The following WNK1 variants were observed in gnomAD, a reference collection of about 807,000 sequenced individuals.
The protein encoded by WNK1 is serine/threonine-protein kinase WNK1.
A neutral mutation model predicts 222.8 loss-of-function variants in WNK1; 38 were observed. The ratio of observed to expected loss-of-function variants is 0.17; its 90% CI spans 0.13 to 0.22. The LOEUF (loss-of-function observed/expected upper bound fraction) is 0.22. WNK1 is among the 10% of genes least tolerant of loss of function. The pLI is 1.00. For synonymous variants in WNK1, 1,090 were observed against 1,092.9 expected (o/e 1.00, Z 0.05); for missense variants, 2,348 against 2,918.4 (o/e 0.80, Z 4.50).
At chr12:830,263 A>G in intron 4 of WNK1, 103 bp downstream of exon 4, 1 of 1,322,092 alleles carries the variant, frequency 7.6e-7, no homozygotes, top group Non-Finnish European at 1.1e-6. Flanking sequence ...AGTGGAAGGC[A>G]TACTGAGTGA....
At chr12:866,353 C>G (rs1038749350) in intron 8 of WNK1, among the ~76,000 whole-genome samples, 16 of 152,108 alleles carry the variant, frequency 1.1e-4, no homozygotes, top group African/African-American at 3.9e-4. Context: ...TGAATTCTTA[C>G]TATTATTTAC....
chr12:889,951 C>CTTTTT (rs755068368), intron 21 of WNK1, among the ~76,000 whole-genome samples: 6 of 130,450 alleles, frequency 4.6e-5, no homozygotes, highest in African/African-American at 1.4e-4. Flanking sequence ...TAAAATGTAC[C>CTTTTT]TTTTTTTTTT....
intron 3 of WNK1, among the ~76,000 whole-genome samples, chr12:829,248 A>T (rs1948610387): frequency 1.3e-5 from 2 of 152,180 alleles, no homozygotes; most frequent in South Asian, 4.1e-4. Flanking sequence ...CACTGTGCTC[A>T]TAAATCAGTC....
At chr12:759,333 T>C (rs1940674003) in intron 1 of WNK1, among the ~76,000 whole-genome samples, 1 of 146,984 alleles carries the variant, frequency 6.8e-6, no homozygotes, top group African/African-American at 2.4e-5. Flanking sequence ...TTTGAGTTTT[T>C]TGTTTTTTTG....
At chr12:874,946 CTT>C (rs1421341632) in intron 9 of WNK1, among the ~76,000 whole-genome samples, 1 of 152,032 alleles carries the variant, frequency 6.6e-6, no homozygotes, top group Non-Finnish European at 1.5e-5. Context: ...ATCAGGAAGA[CTT>C]TAGGAAAAAG....
intron 19 of WNK1, 41 bp downstream of exon 19, chr12:886,125 G>GTT (rs11450919): frequency 1.3e-3 from 1,911 of 1,445,448 alleles, no homozygotes; most frequent in South Asian, 3.5e-3. Flanking sequence ...AATATGATCA[G>GTT]TTTTTTTTCT....
Position 885,964 on chromosome 12 carries a change from A to G in WNK1, c.5160A>G (p.Thr1720=). Residue 1720 remains threonine (T), a synonymous_variant, in exon 19 of 28, where the codon ACA becomes ACG. Transcript: ENST00000315939. ...CACCAACCAATTTACCACTAGGAAC[A>G]GTTGCTTTGCCAGTTACACCAGTGG... The part of the protein sequence containing the change: ...CLPPTNLPLG[T]VALPVTPVVT... 6.3e-7 allele frequency: 1 copy of G among 1,592,498 alleles called. No individual in the cohort carries two copies. The highest frequency in any genetic ancestry group is 8.5e-7 in the Non-Finnish European group (1 of 1,170,034).
At chr12:817,409 G>A (rs1333588149) in intron 2 of WNK1, among the ~76,000 whole-genome samples, 5 of 152,104 alleles carry the variant, frequency 3.3e-5, no homozygotes, top group African/African-American at 9.7e-5. Context: ...GATTGAGAAT[G>A]TATACAGATT....
rs1323400413 is a variant in WNK1, at chr12:908,595, A to C, written c.6952A>C (p.Lys2318Gln). ...ASATSLGHFTKSMCPPQQYGF... is the reference protein window; with the variant it reads ...ASATSLGHFTQSMCPPQQYGF... ...AGCTACCTCTCTAGGTCACTTCACC[A>C]AGTCTATGTGCCCCCCACAGCAGTA... Residue 2318 changes from lysine (K) to glutamine (Q), a missense_variant, in exon 28 of 28, where the codon AAG becomes CAG. Physicochemically the swap from Lys to Gln is moderately conservative, Grantham distance 53. Coordinates refer to ENST00000315939, the MANE Select transcript of WNK1 (RefSeq NM_018979.4). 2.5e-6 allele frequency: 4 copies of C among 1,614,030 alleles called. No homozygotes were observed. Among genetic ancestry groups the C allele is most frequent in the Non-Finnish European group, 2.5e-6 (3 of 1,180,000 alleles).
intron 20 of WNK1, among the ~76,000 whole-genome samples, chr12:887,932 C>A (rs1953827158): frequency 2.6e-3 from 1 of 382 alleles, no homozygotes; most frequent in Admixed American, 0.071. Context: ...TTGAGATTCC[C>A]ATCTCACACA....
At chr12:906,907 TAC>T (rs1248934089) in intron 26 of WNK1, 1 of 253,280 alleles carries the variant, frequency 3.9e-6, no homozygotes, top group East Asian at 1.8e-4. Flanking sequence ...TGGAAGTGCA[TAC>T]GTCTAGTCCC....
At position 911,028 on chromosome 12, in the gene WNK1, T is replaced by C. The variant is rs11571500; in HGVS notation, c.*2236T>C. The C allele has an allele frequency of 4.0e-4, 130 of 322,820 alleles. No individual in the cohort carries two copies. Among genetic ancestry groups the C allele is most frequent in the East Asian group, 3.3e-3 (69 of 20,796 alleles). The allele number at this position is 322,820 out of a possible 1,614,324, so 20.0% of individuals were successfully genotyped here. Reference sequence around the variant, plus strand: ...TGGAGCCTCATGCAGCACATTATCATTTGTTATTTGGGTTTAATAATAATT... The same window carrying C: ...TGGAGCCTCATGCAGCACATTATCACTTGTTATTTGGGTTTAATAATAATT... On this transcript the variant is annotated 3_prime_UTR_variant, in exon 28 of 28. Coordinates refer to ENST00000315939, the MANE Select transcript of WNK1 (RefSeq NM_018979.4).
In WNK1 at chr12:862,150, G is replaced by GA; in HGVS notation, c.2020dup (p.Thr674AsnfsTer9). 1 of 1,614,106 alleles carries GA rather than the reference G, an allele frequency of 6.2e-7. No homozygotes were observed. The highest frequency in any genetic ancestry group is 8.5e-7 in the Non-Finnish European group (1 of 1,180,004). On this transcript the variant is annotated frameshift_variant, in exon 8 of 28. Transcript: ENST00000315939. LOFTEE classifies it high-confidence loss of function. ...CAGAATCTCGAGTGAGCAGCCAACA[G>GA]ACAGTTTCATATGGTTCCCAACATG...
intron 1 of WNK1, among the ~76,000 whole-genome samples, chr12:794,508 T>G (rs1441717751): frequency 3.9e-5 from 6 of 152,082 alleles, no homozygotes; most frequent in Non-Finnish European, 8.8e-5. Flanking sequence ...TTGAATTTTT[T>G]TTTTTTTTTA....
intron 1 of WNK1, among the ~76,000 whole-genome samples, chr12:804,713 T>C (rs1198128834): frequency 6.6e-6 from 1 of 151,952 alleles, no homozygotes; most frequent in Non-Finnish European, 1.5e-5. Context: ...GAGTCCCCAT[T>C]GTCCCCTTTC....
Position 882,983 on chromosome 12 carries a change from A to G in WNK1, c.3413A>G (p.Glu1138Gly), listed in dbSNP as rs527865856. 8 of 1,613,808 alleles carry G rather than the reference A, an allele frequency of 5.0e-6. 1 individual carries two copies. The South Asian group carries it at 5.5e-5, about 11-fold the overall frequency. ...KGDRVVECQLETHNRKMVTFK... is the reference protein window; with the variant it reads ...KGDRVVECQLGTHNRKMVTFK... ...GACCGAGTAGTAGAATGTCAATTAGAGACTCATAATAGGAAAATGGTTACA... is the reference window on the plus strand; with the variant it reads ...GACCGAGTAGTAGAATGTCAATTAGGGACTCATAATAGGAAAATGGTTACA... The change falls in exon 15 of 28, where the codon GAG (glutamate) becomes GGG (glycine). Residue 1138 changes from glutamate to glycine, a missense_variant. By Grantham distance (98) the Glu-to-Gly change is moderately conservative. Coordinates refer to ENST00000315939, the MANE Select transcript of WNK1 (RefSeq NM_018979.4).
intron 11 of WNK1, among the ~76,000 whole-genome samples, chr12:880,447 A>G (rs1270384906): frequency 1.3e-5 from 2 of 152,208 alleles, no homozygotes; most frequent in Non-Finnish European, 2.9e-5. Context: ...AAGATTGGCT[A>G]GGAAGAAATT....
intron 1 of WNK1, among the ~76,000 whole-genome samples, chr12:757,846 G>C (rs1199154215): frequency 1.4e-5 from 2 of 146,340 alleles, no homozygotes; most frequent in Non-Finnish European, 3.0e-5. Flanking sequence ...GAACAGCCTG[G>C]CCAACATGGC....
rs138219481 is a variant in WNK1, at chr12:890,500, G to A, written c.5496G>A (p.Gln1832=). The change falls in exon 22 of 28, where the codon CAG becomes CAA. Residue 1832 remains glutamine, a synonymous_variant. Coordinates refer to ENST00000315939, the MANE Select transcript of WNK1 (RefSeq NM_018979.4). ...CAGCAATCACAGAAGCAGGAACACA[G>A]CCTCAGAAGGGTGGTGAGAAACATC... ...APTAITEAGT[Q]PQKGVSQVKE... is the part of the protein sequence containing the mutation. 9.5e-5 allele frequency: 153 copies of A among 1,614,132 alleles called. 1 individual carries two copies. In the East Asian group the frequency reaches 3.2e-3, roughly 34 times the overall value.
Sources: allele counts gnomAD v4.1 joint callset (sites outside exome capture counted in the v4.1 genomes callset), GRCh38; gene constraint gnomAD v4.1.1; transcripts MANE v1.5; gene names NCBI Gene and HGNC (gene_info 2026-07-23, HGNC 2026-07-21).